Variants in TTC12 observed in about 807,000 individuals in gnomAD.
The protein encoded by TTC12 is tetratricopeptide repeat protein 12.
A neutral mutation model predicts 90.1 loss-of-function variants in TTC12; 70 were observed. The observed-to-expected ratio is 0.78, with a 90% CI of 0.64 to 0.95. The LOEUF is 0.95. TTC12 is among the 40% of genes least tolerant of loss of function. The pLI is 0.00. For missense variants in TTC12, 819 were observed against 846.1 expected, an observed-to-expected ratio of 0.97 and a Z score of 0.40; for synonymous variants, 296 against 311.5, an observed-to-expected ratio of 0.95 and a Z score of 0.53.
chr11:113,334,923 C>T, intron 7 of TTC12, 43 bp from the exon 8 acceptor site: 1 of 1,519,916 alleles, frequency 6.6e-7, no homozygotes, highest in Non-Finnish European at 9.1e-7. Context: ...CTAATGACTT[C>T]ACATCTTCTA....
intron 7 of TTC12, among the ~76,000 whole-genome samples, chr11:113,332,184 C>G (rs1489153225): frequency 6.6e-6 from 1 of 152,236 alleles, no homozygotes; most frequent in Non-Finnish European, 1.5e-5. Flanking sequence ...CAGAACACTT[C>G]TTGCACAATG....
At position 113,323,388 on chromosome 11, in the gene TTC12, G is replaced by A. The variant is rs1555139478; in HGVS notation, c.159G>A (p.Glu53=). The change falls in exon 3 of 22, where the codon GAG becomes GAA. Residue 53 remains glutamate, a synonymous_variant. Coordinates refer to ENST00000529221, the MANE Select transcript of TTC12 (RefSeq NM_017868.4). ...TACTGCTTATGGAGGAAGACCAGGA[G>A]GAGGATGAATGCAGGACCACCTTGA... The part of the protein sequence containing the change: ...KRLLLMEEDQ[E]EDECRTTLNK... 1.2e-6 allele frequency: 2 copies of A among 1,613,330 alleles called. No homozygotes were observed. The highest frequency in any genetic ancestry group is 1.7e-6 in the Non-Finnish European group (2 of 1,179,730).
intron 2 of TTC12, among the ~76,000 whole-genome samples, chr11:113,317,810 A>C (rs35680347): frequency 0.25 from 37,230 of 151,716 alleles, 5,208 homozygotes; most frequent in East Asian, 0.34. Context: ...CTTTTTTTTT[A>C]ACCTGGCTAA....
intron 8 of TTC12, among the ~76,000 whole-genome samples, chr11:113,335,951 C>T (rs1426763564): frequency 6.6e-6 from 1 of 152,116 alleles, no homozygotes; most frequent in African/African-American, 2.4e-5. Context: ...AGTGGAATAG[C>T]AGGGCCGTAT....
intron 18 of TTC12, among the ~76,000 whole-genome samples, chr11:113,361,917 G>A (rs1949952214): frequency 6.9e-6 from 1 of 145,898 alleles, no homozygotes; most frequent in Admixed American, 6.9e-5. Context: ...ATTTAAGATA[G>A]TTATATCCAT....
rs782777623 is a variant in TTC12, at chr11:113,324,674, TG to T, written c.316del (p.Ala106ArgfsTer4). 1.1e-5 allele frequency: 17 copies of T among 1,613,652 alleles called. No homozygotes were observed. In the African/African-American group the frequency reaches 1.9e-4, roughly 18 times the overall value. On this transcript the variant is annotated frameshift_variant, in exon 5 of 22. Coordinates refer to ENST00000529221, the MANE Select transcript of TTC12 (RefSeq NM_017868.4). LOFTEE classifies it high-confidence loss of function. ...AAGAGAAGAAGGGAAAACAAAGTCT[TG>T]GCGGATGGTAATTGTCAGTCCTTAC... The part of the protein sequence containing the change: ...RAKRRRENKV[L>X]ADALKEKGNE...
chr11:113,346,204 T>C (rs778579168), intron 13 of TTC12, among the ~76,000 whole-genome samples: 2 of 152,102 alleles, frequency 1.3e-5, no homozygotes, highest in Non-Finnish European at 2.9e-5. Context: ...TGGGTTTTAG[T>C]CTTAAGCGTA....
At chr11:113,347,249 A>G (rs1949020597) in intron 13 of TTC12, among the ~76,000 whole-genome samples, 1 of 152,220 alleles carries the variant, frequency 6.6e-6, no homozygotes, top group East Asian at 1.9e-4. Flanking sequence ...ACTGGAATCC[A>G]TTCCTGAAGA....
chr11:113,317,228 T>A (rs918695615), intron 2 of TTC12, among the ~76,000 whole-genome samples: 2 of 152,196 alleles, frequency 1.3e-5, no homozygotes, highest in African/African-American at 4.8e-5. Context: ...TCTGCCTCTA[T>A]GGTACTGTCA....
chr11:113,364,032 A>T (rs549705754), intron 20 of TTC12, 105 bp downstream of exon 20: 1 of 718,684 alleles, frequency 1.4e-6, no homozygotes, highest in African/African-American at 1.8e-5. Context: ...CAATGCTGTT[A>T]ACCTCTCCCA....
rs1555139349 is a variant in TTC12, at chr11:113,323,321, C to G, written c.92C>G (p.Pro31Arg). ...ATTCAGGAGATGAATTCTGATGACC[C>G]AGTTGTGCAACAGAAAGCTGTCCTG... ...NLIQEMNSDD[P>R]VVQQKAVLET... The change falls in exon 3 of 22, where the codon CCA becomes CGA. Residue 31 changes from proline (P) to arginine (R), a missense_variant. Pro to Arg is a moderately radical substitution (Grantham distance 103). Transcript: ENST00000529221. The G allele has an allele frequency of 1.9e-6, 3 of 1,606,938 alleles. No homozygotes were observed. The African/African-American group carries it at 4.0e-5, about 22-fold the overall frequency.
At chr11:113,351,116 T>C (rs1949263588) in intron 14 of TTC12, 123 bp from the exon 15 acceptor site, 1 of 776,908 alleles carries the variant, frequency 1.3e-6, no homozygotes, top group African/African-American at 1.7e-5. Context: ...TGGTTCTGAA[T>C]TGTCCATGCA....
chr11:113,320,589 T>C (rs1287012509), intron 2 of TTC12, among the ~76,000 whole-genome samples: 5 of 152,202 alleles, frequency 3.3e-5, no homozygotes, highest in African/African-American at 1.2e-4. Context: ...CCTTTAGTCC[T>C]GTGTGTGACC....
rs782662099 is a variant in TTC12 at position 113,335,054 on chromosome 11, A to C, written c.576+17A>C. On this transcript the variant is annotated intron_variant, in intron 8 of 21. Coordinates refer to ENST00000529221, the MANE Select transcript of TTC12 (RefSeq NM_017868.4). ...TACAGTGTGGTAAGTTCTTAGAGGAATGTAATTGACATGTTTGATCACAGA... is the reference window on the plus strand; with the variant it reads ...TACAGTGTGGTAAGTTCTTAGAGGACTGTAATTGACATGTTTGATCACAGA... 8 of 1,591,700 alleles carry C rather than the reference A, an allele frequency of 5.0e-6. No homozygotes were observed. Among genetic ancestry groups the C allele is most frequent in the African/African-American group, 4.0e-5 (3 of 74,440 alleles).
intron 10 of TTC12, among the ~76,000 whole-genome samples, chr11:113,339,719 G>A (rs1272224058): frequency 6.6e-6 from 1 of 152,092 alleles, no homozygotes; most frequent in Non-Finnish European, 1.5e-5. Context: ...ACACGTACAC[G>A]TGGCACACAC....
intron 2 of TTC12, among the ~76,000 whole-genome samples, chr11:113,317,822 T>G (rs1947040532): frequency 6.6e-6 from 1 of 152,186 alleles, no homozygotes; most frequent in African/African-American, 2.4e-5. Context: ...CCTGGCTAAC[T>G]TATGCATACT....
At chr11:113,355,644 CCCAGAGATT>C (rs1555152211) in intron 16 of TTC12, among the ~76,000 whole-genome samples, 1 of 152,100 alleles carries the variant, frequency 6.6e-6, no homozygotes, top group Non-Finnish European at 1.5e-5. Flanking sequence ...TTACCTATGT[CCCAGAGATT>C]CTGGTATGTT....
chr11:113,368,499 C>G (rs926411606), downstream of TTC12: 4 of 1,550,166 alleles, frequency 2.6e-6, no homozygotes, highest in South Asian at 4.8e-5. Context: ...AGCAGAGGAG[C>G]TGGGATTTTC....
At chr11:113,328,866 A>G (rs188094399) in intron 6 of TTC12, among the ~76,000 whole-genome samples, 28 of 152,340 alleles carry the variant, frequency 1.8e-4, no homozygotes, top group Admixed American at 3.9e-4. Context: ...GACATTTTAT[A>G]TAAATGAAAT....
Sources: gnomAD v4.1 joint callset for allele counts (sites outside exome capture counted in the v4.1 genomes callset) on GRCh38, gnomAD v4.1.1 for gene constraint, MANE v1.5 for transcripts, NCBI Gene and HGNC (gene_info 2026-07-23, HGNC 2026-07-21) for gene names.